CA10: variants seen among roughly 807,000 people sequenced by gnomAD.
CA10 encodes the protein carbonic anhydrase-related protein 10.
A neutral mutation model predicts 44.2 loss-of-function variants in CA10; 14 were observed. The ratio of observed to expected loss-of-function variants is 0.32; its 90% CI spans 0.21 to 0.50. The LOEUF (loss-of-function observed/expected upper bound fraction) is 0.50, where lower values mean the gene tolerates loss of function less well. CA10 is among the 20% of genes least tolerant of loss of function. The probability of loss-of-function intolerance (pLI) is 0.99; values close to 1 mark genes in which losing one functional copy is unlikely to be tolerated. For synonymous variants in CA10, 159 were observed against 141.6 expected, an observed-to-expected ratio of 1.12 and a Z score of -0.87; for missense variants, 350 against 409.7, an observed-to-expected ratio of 0.85 and a Z score of 1.26.
chr17:51,903,198 G>A (rs1458657423), intron 3 of CA10, among the ~76,000 whole-genome samples: 1 of 152,132 alleles, frequency 6.6e-6, no homozygotes, highest in Non-Finnish European at 1.5e-5. Flanking sequence ...GATCTAGGGT[G>A]AGTTTCTTCT....
intron 2 of CA10, among the ~76,000 whole-genome samples, chr17:51,986,947 A>C (rs1049510119): frequency 7.9e-5 from 12 of 152,058 alleles, no homozygotes; most frequent in Non-Finnish European, 1.2e-4. Context: ...AAAACTGTGG[A>C]GATTCCTTAA....
chr17:52,061,046 T>C (rs539699883), intron 2 of CA10, among the ~76,000 whole-genome samples: 3 of 152,252 alleles, frequency 2.0e-5, no homozygotes, highest in African/African-American at 7.2e-5. Context: ...TTGGAGATAA[T>C]GTAAGTATGA....
rs184349998 is a variant in CA10 at position 51,998,665 on chromosome 17, A to G, written c.137-67533T>C. Among the ~76,000 whole-genome samples the G allele has an allele frequency of 1.0e-3, 156 of 152,150 alleles. 2 individuals carry two copies. The highest frequency in any genetic ancestry group is 1.5e-4 in the Non-Finnish European group (10 of 67,976). On this transcript the variant is annotated intron_variant, in intron 2 of 8. Coordinates refer to ENST00000451037, the MANE Select transcript of CA10 (RefSeq NM_020178.5). ...ATTTGTCCTAATACCTATGTTTTCAATTGGTTTCTATTATGCAACACACCA... is the reference window on the plus strand; with the variant it reads ...ATTTGTCCTAATACCTATGTTTTCAGTTGGTTTCTATTATGCAACACACCA...
chr17:51,642,375 T>C lies in CA10; in HGVS notation c.635-6366A>G, dbSNP rs553627988. Among the ~76,000 whole-genome samples, 5 of 152,318 alleles carry C rather than the reference T, an allele frequency of 3.3e-5. No homozygotes were observed. In the East Asian group the frequency reaches 9.6e-4, roughly 29 times the overall value. Reference sequence around the variant, plus strand: ...CCACGTCCCTCTGAGGAGCGGCGCATAAAACACTTCCCAAAGAACTGAGAA... The same window carrying C: ...CCACGTCCCTCTGAGGAGCGGCGCACAAAACACTTCCCAAAGAACTGAGAA... On this transcript the variant is annotated intron_variant, in intron 6 of 8. Transcript: ENST00000451037.
At chr17:51,887,476 A>G (rs1312591702) in intron 3 of CA10, among the ~76,000 whole-genome samples, 2 of 152,218 alleles carry the variant, frequency 1.3e-5, no homozygotes, top group African/African-American at 2.4e-5. Flanking sequence ...TGTAGGCTTC[A>G]GATACAGAGT....
intron 3 of CA10, among the ~76,000 whole-genome samples, chr17:51,811,462 T>C (rs1319728358): frequency 6.6e-6 from 1 of 152,138 alleles, no homozygotes; most frequent in Non-Finnish European, 1.5e-5. Flanking sequence ...CAGGCCCCAG[T>C]GTGTGATGTT....
At chr17:52,063,708 C>A (rs928496895) in intron 2 of CA10, among the ~76,000 whole-genome samples, 2 of 152,176 alleles carry the variant, frequency 1.3e-5, no homozygotes, top group African/African-American at 4.8e-5. Flanking sequence ...GAGGCCCTCA[C>A]CAGATGCAGA....
At chr17:51,633,694 A>C in intron 7 of CA10, 44 bp from the exon 8 acceptor site, 1 of 1,593,376 alleles carries the variant, frequency 6.3e-7, no homozygotes, top group Non-Finnish European at 8.6e-7. Context: ...ATCCTCTTAA[A>C]TGCACTAGGG....
chr17:51,635,960 C>T lies in CA10; in HGVS notation c.684G>A (p.Glu228=), dbSNP rs1912808466. Residue 228 remains glutamate, a synonymous_variant, in exon 7 of 9, where the codon GAG becomes GAA. Transcript: ENST00000451037. ...QGLNIEELYP[E]TSSFITYDGS... ...CATCGTAAGTGATGAAACTAGAGGT[C>T]TCTGGATATAGTTCCTCTATATTAA... The T allele has an allele frequency of 6.2e-7, 1 of 1,607,268 alleles. No homozygotes were observed. The highest frequency in any genetic ancestry group is 1.1e-5 in the South Asian group (1 of 90,226).
At chr17:52,108,154 G>GTA (rs1156745501) in intron 1 of CA10, among the ~76,000 whole-genome samples, 6 of 142,488 alleles carry the variant, frequency 4.2e-5, no homozygotes, top group South Asian at 2.2e-4. Flanking sequence ...AATATTAGGT[G>GTA]TATATATATA....
At chr17:51,773,678 C>A (rs1167449221) in intron 3 of CA10, among the ~76,000 whole-genome samples, 1 of 152,246 alleles carries the variant, frequency 6.6e-6, no homozygotes, top group Non-Finnish European at 1.5e-5. Context: ...GGTGCCATGT[C>A]ATGTGCTTCA....
chr17:51,754,457 A>T (rs1905018754), intron 3 of CA10, among the ~76,000 whole-genome samples: 1 of 140,942 alleles, frequency 7.1e-6, no homozygotes, highest in African/African-American at 2.6e-5. Context: ...ATCACGTAAA[A>T]TAAAGAGATT....
At chr17:52,039,397 C>T (rs907559540) in intron 2 of CA10, among the ~76,000 whole-genome samples, 3 of 151,890 alleles carry the variant, frequency 2.0e-5, no homozygotes, top group Non-Finnish European at 2.9e-5. Flanking sequence ...AACAGCAGGC[C>T]CTGGCTTTAA....
chr17:51,910,491 T>A (rs1033977231), intron 3 of CA10, among the ~76,000 whole-genome samples: 1 of 152,152 alleles, frequency 6.6e-6, no homozygotes, highest in Non-Finnish European at 1.5e-5. Context: ...TATCTAACAT[T>A]ACGTTTAACA....
chr17:51,965,250 C>T (rs899315407), intron 2 of CA10, among the ~76,000 whole-genome samples: 38 of 151,078 alleles, frequency 2.5e-4, no homozygotes, highest in African/African-American at 7.7e-4. Flanking sequence ...TTGAATCAGT[C>T]ACATAAAAAA....
chr17:51,912,288 C>T (rs115935374), intron 3 of CA10, among the ~76,000 whole-genome samples: 1,565 of 152,232 alleles, frequency 0.01, 32 homozygotes, highest in Admixed American at 0.03. Context: ...TGGGAGCATT[C>T]CAATAAGCTG....
intron 1 of CA10, among the ~76,000 whole-genome samples, chr17:52,088,544 T>A (rs781397350): frequency 6.6e-6 from 1 of 152,098 alleles, no homozygotes; most frequent in African/African-American, 2.4e-5. Flanking sequence ...CTCTACCACA[T>A]AACCTCAAGA....
chr17:51,697,378 G>A (rs1418953024), intron 4 of CA10, among the ~76,000 whole-genome samples: 2 of 152,152 alleles, frequency 1.3e-5, no homozygotes, highest in Non-Finnish European at 2.9e-5. Context: ...GCAAGTGCCT[G>A]CCTCAGGGCC....
rs561038702 is a variant in CA10 at position 51,996,503 on chromosome 17, C to T, written c.137-65371G>A. ...TATTCACAAAAACAAGTTCAATCTC[C>T]TCGACATGGCCCATGGTTTAAATCT... On this transcript the variant is annotated intron_variant, in intron 2 of 8. Transcript: ENST00000451037. Among the ~76,000 whole-genome samples, 11 of 152,024 alleles carry T rather than the reference C, an allele frequency of 7.2e-5. No individual in the cohort carries two copies. In the East Asian group the frequency reaches 2.1e-3, roughly 29 times the overall value.
Sources: allele counts gnomAD v4.1 joint callset (sites outside exome capture counted in the v4.1 genomes callset), GRCh38; gene constraint gnomAD v4.1.1; transcripts MANE v1.5; gene names NCBI Gene and HGNC (gene_info 2026-07-23, HGNC 2026-07-21).